Variants in PARD3 observed in about 807,000 individuals in gnomAD.
The protein encoded by PARD3 is partitioning defective 3 homolog.
PARD3 carries 75 observed loss-of-function variants against 155.4 expected under a neutral mutation model. The ratio of observed to expected loss-of-function variants is 0.48; its 90% CI spans 0.40 to 0.58. PARD3 has a LOEUF of 0.58. PARD3 is among the 20% of genes least tolerant of loss of function. The probability of loss-of-function intolerance (pLI) is 0.00; values close to 1 mark genes in which losing one functional copy is unlikely to be tolerated. For missense variants in PARD3, 1,642 were observed against 1,721.7 expected (o/e 0.95, Z 0.82); for synonymous variants, 576 against 610.5 (o/e 0.94, Z 0.83).
chr10:34,324,408 T>G lies in PARD3; in HGVS notation c.2833+6709A>C, dbSNP rs556782509. On this transcript the variant is annotated intron_variant, in intron 19 of 24. Coordinates refer to ENST00000374788, the MANE Select transcript of PARD3 (RefSeq NM_001184785.2). The stretch of plus-strand genomic sequence containing the variant: ...ACTAGATTGTCGGGGGAAAAGTTTC[T>G]TGGAGAAGGAAGATGACAGTATAAT... Among the ~76,000 whole-genome samples, 4 of 152,262 alleles carry G rather than the reference T, an allele frequency of 2.6e-5. No individual in the cohort carries two copies. The East Asian group carries it at 7.7e-4, about 29-fold the overall frequency.
At chr10:34,798,279 T>C (rs1222404493) in intron 1 of PARD3, among the ~76,000 whole-genome samples, 3 of 151,524 alleles carry the variant, frequency 2.0e-5, no homozygotes, top group South Asian at 2.1e-4. Context: ...CAGTGAGCTA[T>C]TGATGGCACC....
intron 22 of PARD3, among the ~76,000 whole-genome samples, chr10:34,173,453 T>C (rs1949895390): frequency 6.6e-6 from 1 of 152,228 alleles, no homozygotes. Flanking sequence ...AGAACACATG[T>C]AATACTTATC....
chr10:34,143,130 G>C (rs1041255008), intron 22 of PARD3, among the ~76,000 whole-genome samples: 2 of 152,090 alleles, frequency 1.3e-5, no homozygotes, highest in African/African-American at 4.8e-5. Context: ...GACCATCCTG[G>C]CCAACATGGT....
intron 1 of PARD3, among the ~76,000 whole-genome samples, chr10:34,774,719 A>AT (rs35585382): frequency 0.22 from 33,056 of 152,152 alleles, 4,750 homozygotes; most frequent in East Asian, 0.54. Context: ...CCAATAAAAC[A>AT]TCCTTCTCAC....
At chr10:34,603,490 C>T (rs1249275842) in intron 2 of PARD3, among the ~76,000 whole-genome samples, 6 of 152,290 alleles carry the variant, frequency 3.9e-5, no homozygotes, top group Admixed American at 6.5e-5. Flanking sequence ...CAAACAGTCA[C>T]GGAACACATT....
intron 14 of PARD3, among the ~76,000 whole-genome samples, 182 bp from the exon 15 acceptor site, chr10:34,348,297 T>C (rs1045975688): frequency 2.0e-5 from 3 of 152,216 alleles, no homozygotes; most frequent in Admixed American, 6.5e-5. Flanking sequence ...CAACTTTCTG[T>C]GCCACTTTAT....
chr10:34,163,509 G>A (rs1949381987), intron 22 of PARD3, among the ~76,000 whole-genome samples: 1 of 152,188 alleles, frequency 6.6e-6, no homozygotes, highest in Admixed American at 6.5e-5. Context: ...AAAGAGAGAA[G>A]AGTGGAGATC....
intron 2 of PARD3, among the ~76,000 whole-genome samples, chr10:34,571,306 C>T (rs576693072): frequency 1.3e-5 from 2 of 151,888 alleles, no homozygotes; most frequent in Admixed American, 6.6e-5. Flanking sequence ...AGAGGAAGAC[C>T]CCGTCTTAAA....
At chr10:34,447,645 A>G (rs1208681395) in intron 5 of PARD3, among the ~76,000 whole-genome samples, 2 of 149,870 alleles carry the variant, frequency 1.3e-5, no homozygotes, top group East Asian at 3.9e-4. Flanking sequence ...TACTAAAAAT[A>G]CAAAAAAAAA....
At chr10:34,474,687 A>T (rs1476612716) in intron 3 of PARD3, among the ~76,000 whole-genome samples, 4 of 152,234 alleles carry the variant, frequency 2.6e-5, no homozygotes, top group African/African-American at 9.6e-5. Context: ...TTTTCCAGCC[A>T]AGACTTCAGG....
At chr10:34,243,285 G>A (rs1953724157) in intron 22 of PARD3, among the ~76,000 whole-genome samples, 1 of 151,842 alleles carries the variant, frequency 6.6e-6, no homozygotes, top group Admixed American at 6.6e-5. Context: ...CAAAGGACCT[G>A]GAAAACACTA....
At chr10:34,730,128 A>G (rs1445317987) in intron 1 of PARD3, among the ~76,000 whole-genome samples, 2 of 152,218 alleles carry the variant, frequency 1.3e-5, no homozygotes, top group Non-Finnish European at 2.9e-5. Context: ...AGGCCAAAAT[A>G]AACCTGATAC....
At chr10:34,750,186 G>A (rs183315273) in intron 1 of PARD3, among the ~76,000 whole-genome samples, 196 of 151,620 alleles carry the variant, frequency 1.3e-3, no homozygotes, top group Middle Eastern at 3.4e-3. Flanking sequence ...CAGAAAATTC[G>A]CAAAAATTAT....
At chr10:34,152,640 C>G (rs1430258600) in intron 22 of PARD3, among the ~76,000 whole-genome samples, 1 of 152,140 alleles carries the variant, frequency 6.6e-6, no homozygotes, top group Non-Finnish European at 1.5e-5. Context: ...GTGTGCTGAT[C>G]TCTATCATGG....
At chr10:34,690,263 A>G (rs1307347340) in intron 2 of PARD3, among the ~76,000 whole-genome samples, 1 of 152,162 alleles carries the variant, frequency 6.6e-6, no homozygotes, top group Non-Finnish European at 1.5e-5. Context: ...GATTTTTATA[A>G]TAGCCCAATG....
intron 22 of PARD3, among the ~76,000 whole-genome samples, chr10:34,215,291 T>C: frequency 6.6e-6 from 1 of 152,204 alleles, no homozygotes; most frequent in East Asian, 1.9e-4. Flanking sequence ...AGGTCTGGTT[T>C]CCATCAGTAC....
chr10:34,202,959 T>C (rs1348821789), intron 22 of PARD3, among the ~76,000 whole-genome samples: 1 of 152,136 alleles, frequency 6.6e-6, no homozygotes, highest in East Asian at 1.9e-4. Context: ...ATGTCTGGCA[T>C]CCTGAGAGGC....
intron 12 of PARD3, among the ~76,000 whole-genome samples, chr10:34,364,438 T>G (rs2134542930): frequency 6.6e-6 from 1 of 152,266 alleles, no homozygotes; most frequent in Middle Eastern, 3.4e-3. Context: ...AATTATCTTT[T>G]TTTTTTTTAA....
intron 3 of PARD3, among the ~76,000 whole-genome samples, chr10:34,491,240 G>C (rs971012037): frequency 1.3e-5 from 2 of 152,100 alleles, no homozygotes; most frequent in African/African-American, 4.8e-5. Flanking sequence ...AATTTTTTTA[G>C]TATTAAGCAA....
Sources: allele counts gnomAD v4.1 joint callset (sites outside exome capture counted in the v4.1 genomes callset), GRCh38; gene constraint gnomAD v4.1.1; transcripts MANE v1.5; gene names NCBI Gene and HGNC (gene_info 2026-07-23, HGNC 2026-07-21).